The following RIGI variants were observed in gnomAD, a reference collection of about 807,000 sequenced individuals.
RIGI encodes the protein antiviral innate immune response receptor RIG-I.
the RIGI span, chr9:32,456,876 G>C: frequency 2.3e-6 from 1 of 437,280 alleles, no homozygotes; most frequent in Non-Finnish European, 4.1e-6. Flanking sequence ...ACTCTAAAAA[G>C]AAGGCTAGAA....
chr9:32,500,812 G>A, the RIGI span: 1 of 1,614,014 alleles, frequency 6.2e-7, no homozygotes, highest in Admixed American at 1.7e-5. Flanking sequence ...AACCTGCATG[G>A]TCTAGGGCAT....
the RIGI span, among the ~76,000 whole-genome samples, chr9:32,460,728 G>C: frequency 1.3e-5 from 2 of 151,676 alleles, no homozygotes; most frequent in Non-Finnish European, 2.9e-5. Context: ...TGAACTGAAA[G>C]AACAACAGAA....
chr9:32,488,716 A>C, the RIGI span: 1 of 1,537,864 alleles, frequency 6.5e-7, no homozygotes, highest in Non-Finnish European at 8.7e-7. Context: ...AAGAAGTTGA[A>C]GCAACTATTA....
chr9:32,466,967 A>C, the RIGI span, among the ~76,000 whole-genome samples: 3 of 152,172 alleles, frequency 2.0e-5, no homozygotes, highest in African/African-American at 7.2e-5. Context: ...TAACCAGCAA[A>C]ACATAGGTGG....
chr9:32,485,391 T>A, the RIGI span: 2 of 755,234 alleles, frequency 2.6e-6, no homozygotes, highest in Admixed American at 2.5e-5. Flanking sequence ...CCTTTGATAC[T>A]TCCTCTGAAA....
chr9:32,459,556 C>T, the RIGI span: 1 of 1,578,638 alleles, frequency 6.3e-7, no homozygotes, highest in Non-Finnish European at 8.6e-7. Flanking sequence ...TTGAGTACAA[C>T]ATATATAGCA....
the RIGI span, chr9:32,485,081 A>G: frequency 2.3e-6 from 2 of 873,878 alleles, no homozygotes; most frequent in East Asian, 2.5e-5. Context: ...TGGTCTTGAC[A>G]TTGTCTGAAC....
At chr9:32,467,891 T>C in the RIGI span, 4 of 1,612,812 alleles carry the variant, frequency 2.5e-6, no homozygotes. Flanking sequence ...CCACTGGCTT[T>C]GAATGCATCC....
the RIGI span, chr9:32,456,095 T>C: frequency 6.6e-6 from 1 of 152,182 alleles, no homozygotes; most frequent in African/African-American, 2.4e-5. Context: ...TATTCTAATC[T>C]TTCAAGTAGA....
the RIGI span, among the ~76,000 whole-genome samples, chr9:32,471,537 T>G: frequency 7.3e-3 from 1,113 of 152,252 alleles, 12 homozygotes; most frequent in African/African-American, 0.025. Flanking sequence ...AAAATATAAA[T>G]AAGAAGCTAT....
the RIGI span, among the ~76,000 whole-genome samples, chr9:32,508,014 GT>G: frequency 6.6e-6 from 1 of 151,840 alleles, no homozygotes; most frequent in Non-Finnish European, 1.5e-5. Flanking sequence ...TAAATTACTA[GT>G]TTCTTTTCTC....
the RIGI span, among the ~76,000 whole-genome samples, chr9:32,518,748 C>T: frequency 6.6e-6 from 1 of 152,248 alleles, no homozygotes; most frequent in Non-Finnish European, 1.5e-5. Context: ...ATTTCACCTA[C>T]ATGCTTGCAT....
chr9:32,491,293 C>T, the RIGI span: 3 of 1,612,692 alleles, frequency 1.9e-6, no homozygotes, highest in Non-Finnish European at 2.5e-6. Context: ...ACAAACAATA[C>T]CAGGTACCTG....
the RIGI span, chr9:32,493,876 T>C: frequency 1.9e-6 from 3 of 1,610,928 alleles, no homozygotes; most frequent in Non-Finnish European, 2.5e-6. Context: ...AAGTAATCTA[T>C]ACTCCTCCAA....
the RIGI span, among the ~76,000 whole-genome samples, chr9:32,495,448 G>A: frequency 6.6e-6 from 1 of 151,690 alleles, no homozygotes; most frequent in Non-Finnish European, 1.5e-5. Flanking sequence ...CGATCCACCC[G>A]CCTCGGCCTT....
the RIGI span, chr9:32,500,982 T>C: frequency 3.1e-6 from 5 of 1,601,318 alleles, no homozygotes; most frequent in Admixed American, 7.0e-5. Context: ...TGCAGAACTA[T>C]TAATCATTAG....
At chr9:32,507,643 T>A in the RIGI span, among the ~76,000 whole-genome samples, 4 of 151,992 alleles carry the variant, frequency 2.6e-5, no homozygotes, top group East Asian at 1.9e-4. Context: ...TTTATCTCTT[T>A]TTTATTTATT....
At chr9:32,463,480 A>G in the RIGI span, among the ~76,000 whole-genome samples, 1 of 152,260 alleles carries the variant, frequency 6.6e-6, no homozygotes, top group South Asian at 2.1e-4. Context: ...CAGGCATCCA[A>G]CTTTTTAAAA....
At chr9:32,462,238 G>A in the RIGI span, among the ~76,000 whole-genome samples, 1 of 152,094 alleles carries the variant, frequency 6.6e-6, no homozygotes, top group Admixed American at 6.5e-5. Flanking sequence ...GACTGTTGGA[G>A]AGTCAGTGTT....
Sources: allele counts gnomAD v4.1 joint callset (sites outside exome capture counted in the v4.1 genomes callset), GRCh38; gene constraint gnomAD v4.1.1; transcripts MANE v1.5; gene names NCBI Gene and HGNC (gene_info 2026-07-23, HGNC 2026-07-21).